PCMTD1: variants seen among roughly 807,000 people sequenced by gnomAD.
PCMTD1 encodes protein-L-isoaspartate (D-aspartate) O-methyltransferase domain containing 1.
PCMTD1 carries 12 observed loss-of-function variants against 37.6 expected under a neutral mutation model. That is an observed-to-expected ratio of 0.32 (90% CI 0.20 to 0.52). PCMTD1 has a LOEUF of 0.52. Among genes scored for constraint, PCMTD1 ranks in the 20% least tolerant of loss-of-function variants. The probability of loss-of-function intolerance (pLI) is 0.97; values close to 1 mark genes in which losing one functional copy is unlikely to be tolerated. For missense variants in PCMTD1, 235 were observed against 421.3 expected, an observed-to-expected ratio of 0.56 and a Z score of 3.87; for synonymous variants, 117 against 135.8, an observed-to-expected ratio of 0.86 and a Z score of 0.96.
chr8:51,889,879 TGTG>T (rs2129294919), intron 1 of PCMTD1, among the ~76,000 whole-genome samples: 1 of 151,908 alleles, frequency 6.6e-6, no homozygotes, highest in African/African-American at 2.4e-5. Flanking sequence ...TGTGTGTGTG[TGTG>T]TGTGTGTGTG....
intron 1 of PCMTD1, among the ~76,000 whole-genome samples, chr8:51,892,197 A>T (rs1301714116): frequency 6.6e-6 from 1 of 152,202 alleles, no homozygotes; most frequent in Non-Finnish European, 1.5e-5. Flanking sequence ...CTTCTAGATG[A>T]CACAAAGGGA....
intron 1 of PCMTD1, among the ~76,000 whole-genome samples, chr8:51,885,053 G>T (rs2038845279): frequency 6.6e-6 from 1 of 151,930 alleles, no homozygotes; most frequent in Non-Finnish European, 1.5e-5. Context: ...TCTCTTTCCT[G>T]ACTGGACCCA....
At chr8:51,880,917 T>A (rs921607125) in intron 1 of PCMTD1, among the ~76,000 whole-genome samples, 1 of 152,228 alleles carries the variant, frequency 6.6e-6, no homozygotes, top group African/African-American at 2.4e-5. Context: ...GACACTAAAA[T>A]TGGAATGTCA....
chr8:51,898,696 CTCCCCGACCTCCCA>C (rs1336806278), intron 1 of PCMTD1, among the ~76,000 whole-genome samples: 1 of 151,876 alleles, frequency 6.6e-6, no homozygotes, highest in African/African-American at 2.4e-5. Context: ...CCCCTTTCGA[CTCCCCGACCTCCCA>C]AGTCCTCCGC....
At chr8:51,853,297 C>A (rs2038335696) in intron 2 of PCMTD1, among the ~76,000 whole-genome samples, 1 of 152,104 alleles carries the variant, frequency 6.6e-6, no homozygotes, top group Non-Finnish European at 1.5e-5. Context: ...TCCAGCAGAC[C>A]AAGCAGCCCT....
intron 1 of PCMTD1, among the ~76,000 whole-genome samples, chr8:51,885,575 A>C (rs1180962486): frequency 6.6e-6 from 1 of 152,232 alleles, no homozygotes; most frequent in Non-Finnish European, 1.5e-5. Flanking sequence ...CATGATTATT[A>C]ACACACATGG....
intron 3 of PCMTD1, among the ~76,000 whole-genome samples, chr8:51,837,858 C>A (rs1223639884): frequency 6.6e-6 from 1 of 152,168 alleles, no homozygotes; most frequent in Non-Finnish European, 1.5e-5. Flanking sequence ...TAGCTCACTG[C>A]AACCTCCACC....
At chr8:51,832,641 T>G (rs1237190052) in intron 4 of PCMTD1, among the ~76,000 whole-genome samples, 1 of 152,228 alleles carries the variant, frequency 6.6e-6, no homozygotes, top group Non-Finnish European at 1.5e-5. Context: ...AATTTGCTTT[T>G]GAAAGGTATA....
chr8:51,891,555 C>CA (rs897029215), intron 1 of PCMTD1, among the ~76,000 whole-genome samples: 38 of 148,888 alleles, frequency 2.6e-4, no homozygotes, highest in African/African-American at 7.4e-4. Context: ...GGCCCTGTCT[C>CA]AAAAAAAAGA....
At chr8:51,887,979 G>A (rs1222760582) in intron 1 of PCMTD1, among the ~76,000 whole-genome samples, 1 of 152,016 alleles carries the variant, frequency 6.6e-6, no homozygotes, top group South Asian at 2.1e-4. Flanking sequence ...TCTTGACCTC[G>A]TGATCCGCCC....
At chr8:51,879,057 T>A (rs1296980174) in intron 1 of PCMTD1, among the ~76,000 whole-genome samples, 1 of 151,796 alleles carries the variant, frequency 6.6e-6, no homozygotes, top group Non-Finnish European at 1.5e-5. Flanking sequence ...GCCTGGGAGG[T>A]CAAGGCTGCA....
intron 3 of PCMTD1, among the ~76,000 whole-genome samples, chr8:51,842,030 G>T (rs1429089488): frequency 9.7e-6 from 1 of 103,502 alleles, no homozygotes; most frequent in Non-Finnish European, 2.7e-5. Flanking sequence ...TTTACTAACT[G>T]GGATTTGTGG....
intron 5 of PCMTD1, among the ~76,000 whole-genome samples, chr8:51,827,603 C>T (rs1378449304): frequency 6.6e-6 from 1 of 152,038 alleles, no homozygotes; most frequent in Non-Finnish European, 1.5e-5. Context: ...GCCCAGGCAT[C>T]CCCTGGAGGG....
chr8:51,837,655 G>A (rs185391566), intron 3 of PCMTD1, among the ~76,000 whole-genome samples: 1 of 152,196 alleles, frequency 6.6e-6, no homozygotes, highest in Admixed American at 6.5e-5. Flanking sequence ...AATCTGTAAA[G>A]CGATTATGGA....
intron 2 of PCMTD1, among the ~76,000 whole-genome samples, chr8:51,856,060 C>T (rs1461954724): frequency 6.6e-6 from 1 of 151,952 alleles, no homozygotes; most frequent in Non-Finnish European, 1.5e-5. Flanking sequence ...CTAAAGTAAG[C>T]TAATAAAGAA....
At chr8:51,861,726 A>G (rs28520798) in intron 1 of PCMTD1, among the ~76,000 whole-genome samples, 209 of 137,072 alleles carry the variant, frequency 1.5e-3, no homozygotes, top group Admixed American at 2.5e-3. Context: ...TTTTTTTTTA[A>G]TTTTTTTTTT....
chr8:51,831,496 T>C lies in PCMTD1; in HGVS notation c.654A>G (p.Pro218=). The C allele has an allele frequency of 1.9e-6, 3 of 1,613,804 alleles. No homozygotes were observed. Among genetic ancestry groups the C allele is most frequent in the Non-Finnish European group, 2.5e-6 (3 of 1,179,898 alleles). Residue 218 remains proline, a synonymous_variant, in exon 5 of 6, where the codon CCA becomes CCG. Coordinates refer to ENST00000522514, the MANE Select transcript of PCMTD1 (RefSeq NM_052937.4). ...SKNILAVSFA[P]LVQPSKNDNG... is the part of the protein sequence containing the mutation. Reference sequence around the variant, plus strand: ...TATCATTCTTACTTGGTTGCACAAGTGGAGCAAATGAAACAGCAAGGATAT... The same window carrying C: ...TATCATTCTTACTTGGTTGCACAAGCGGAGCAAATGAAACAGCAAGGATAT...
At chr8:51,829,849 G>A (rs1396416836) in intron 5 of PCMTD1, among the ~76,000 whole-genome samples, 1 of 152,062 alleles carries the variant, frequency 6.6e-6, no homozygotes, top group Non-Finnish European at 1.5e-5. Flanking sequence ...GCTCAAAAGA[G>A]AGTAGAATGA....
intron 1 of PCMTD1, among the ~76,000 whole-genome samples, chr8:51,873,339 C>G (rs2038664481): frequency 6.6e-6 from 1 of 151,896 alleles, no homozygotes; most frequent in Non-Finnish European, 1.5e-5. Context: ...AAGAAGAAAC[C>G]ATAACAAAAA....
Sources: allele counts gnomAD v4.1 joint callset (sites outside exome capture counted in the v4.1 genomes callset), GRCh38; gene constraint gnomAD v4.1.1; transcripts MANE v1.5; gene names NCBI Gene and HGNC (gene_info 2026-07-23, HGNC 2026-07-21).